Variants in UBE3A observed in about 807,000 individuals in gnomAD.
UBE3A encodes ubiquitin protein ligase E3A, also known as ubiquitin-protein ligase E3A.
In UBE3A, 6 loss-of-function variants were observed where a neutral mutation model predicts 83.4. The ratio of observed to expected loss-of-function variants is 0.07; its 90% CI spans 0.04 to 0.14. The LOEUF (loss-of-function observed/expected upper bound fraction) is 0.14. UBE3A is among the 10% of genes least tolerant of loss of function. The pLI is 1.00. For missense variants in UBE3A, 456 were observed against 1,036.1 expected (o/e 0.44, Z 7.69); for synonymous variants, 337 against 355.4 (o/e 0.95, Z 0.58).
chr15:25,367,457 G>T (rs12904031), intron 6 of UBE3A, among the ~76,000 whole-genome samples: 1 of 151,744 alleles, frequency 6.6e-6, no homozygotes. Context: ...GAACAATAAC[G>T]AAAAAATACT....
chr15:25,406,991 T>C, intron 3 of UBE3A: 1 of 1,065,432 alleles, frequency 9.4e-7, no homozygotes, highest in Non-Finnish European at 1.2e-6. Context: ...TGGCAGTGAC[T>C]TGGCTGTGAC....
chr15:25,376,456 G>C (rs1296695244), intron 4 of UBE3A, among the ~76,000 whole-genome samples: 6 of 152,040 alleles, frequency 3.9e-5, no homozygotes, highest in African/African-American at 1.4e-4. Context: ...ACACCAGCCT[G>C]GGCAACATAG....
intron 1 of UBE3A, among the ~76,000 whole-genome samples, chr15:25,430,411 G>A (rs1893102364): frequency 6.8e-6 from 1 of 146,714 alleles, no homozygotes; most frequent in African/African-American, 2.5e-5. Context: ...ACAGCACTTT[G>A]GGGAATTAGA....
intron 3 of UBE3A, among the ~76,000 whole-genome samples, chr15:25,406,452 G>A (rs939377701): frequency 2.0e-5 from 3 of 151,680 alleles, no homozygotes; most frequent in Admixed American, 6.6e-5. Flanking sequence ...TTCATTTCAC[G>A]AGATATGAAT....
chr15:25,346,363 A>G (rs1404359070), intron 11 of UBE3A: 6 of 152,398 alleles, frequency 3.9e-5, no homozygotes, highest in Non-Finnish European at 5.9e-5. Context: ...GGTCACTGGA[A>G]CCACAGCTCA....
chr15:25,348,310 A>G (rs879369524), intron 11 of UBE3A, among the ~76,000 whole-genome samples: 5 of 152,218 alleles, frequency 3.3e-5, no homozygotes, highest in Admixed American at 2.0e-4. Flanking sequence ...TAGAAAATAC[A>G]TAAGGAACCC....
chr15:25,367,244 T>TTA (rs1566941669), intron 6 of UBE3A, among the ~76,000 whole-genome samples: 123 of 78,164 alleles, frequency 1.6e-3, no homozygotes, highest in South Asian at 5.1e-3. Flanking sequence ...AATATGTAAA[T>TTA]ATTTGCATAT....
At chr15:25,385,291 A>G (rs1022799022) in intron 4 of UBE3A, among the ~76,000 whole-genome samples, 3 of 152,262 alleles carry the variant, frequency 2.0e-5, no homozygotes, top group Non-Finnish European at 2.9e-5. Flanking sequence ...AAGGACTTGA[A>G]TAGTCATTTT....
chr15:25,371,043 A>G lies in UBE3A; in HGVS notation c.1131T>C (p.Tyr377=). 7 of 1,614,016 alleles carry G rather than the reference A, an allele frequency of 4.3e-6. No homozygotes were observed. Among genetic ancestry groups the G allele is most frequent in the African/African-American group, 1.3e-5 (1 of 75,036 alleles). The change falls in exon 6 of 13, where the codon TAT becomes TAC. Residue 377 remains tyrosine, a synonymous_variant. Coordinates refer to ENST00000648336, the MANE Select transcript of UBE3A (RefSeq NM_130839.5). This position sits in a 1 kb window ranked among gnomAD's most constrained non-coding sequence, Gnocchi z 5.3. ...CCACTTCCCCTCCCACTACATTTGC[A>G]TAGTAAACCATTTTCAAGCACTTCG... is the stretch of plus-strand genomic sequence containing the variant. The part of the protein sequence containing the change: ...AASKCLKMVY[Y]ANVVGGEVDT...
chr15:25,434,969 T>TATACACAC lies in UBE3A; in HGVS notation c.-165+3519_-165+3520insGTGTGTAT, dbSNP rs1167502949. Among the ~76,000 whole-genome samples, 80 of 142,996 alleles carry TATACACAC rather than the reference T, an allele frequency of 5.6e-4. 1 individual carries two copies. Among genetic ancestry groups the TATACACAC allele is most frequent in the African/African-American group, 8.5e-4 (32 of 37,734 alleles). 93.8% of individuals were successfully genotyped at this position (142,996 alleles called of 152,430 possible). On this transcript the variant is annotated intron_variant, in intron 1 of 12. Coordinates refer to ENST00000648336, the MANE Select transcript of UBE3A (RefSeq NM_130839.5). ...GTAAAAATTTTAAATTCTATATACA[T>TATACACAC]ACACACACACACACACACACACACA...
intron 1 of UBE3A, among the ~76,000 whole-genome samples, chr15:25,422,504 C>T (rs1316188898): frequency 6.6e-6 from 1 of 151,856 alleles, no homozygotes; most frequent in African/African-American, 2.4e-5. Flanking sequence ...GGATGCCTTA[C>T]AAGACAATCA....
chr15:25,377,779 TA>T (rs1396782055), intron 4 of UBE3A, among the ~76,000 whole-genome samples: 1 of 152,108 alleles, frequency 6.6e-6, no homozygotes, highest in Non-Finnish European at 1.5e-5. Context: ...ACATGTCTAA[TA>T]AAAGATTACT....
At chr15:25,390,374 G>T (rs557478819) in intron 4 of UBE3A, among the ~76,000 whole-genome samples, 9 of 152,116 alleles carry the variant, frequency 5.9e-5, no homozygotes, top group Non-Finnish European at 1.3e-4. Flanking sequence ...TTCATAATTA[G>T]CAAAATGTGG....
chr15:25,428,000 C>T (rs1891906708), intron 1 of UBE3A, among the ~76,000 whole-genome samples: 2 of 151,872 alleles, frequency 1.3e-5, no homozygotes, highest in Admixed American at 1.3e-4. Flanking sequence ...AGACAAATAC[C>T]ACATGTTCTC....
intron 3 of UBE3A, among the ~76,000 whole-genome samples, chr15:25,406,407 AT>A (rs2088556435): frequency 6.6e-6 from 1 of 152,196 alleles, no homozygotes; most frequent in Non-Finnish European, 1.5e-5. Context: ...ATGTAGAAAT[AT>A]TTAAAATTCT....
intron 5 of UBE3A, among the ~76,000 whole-genome samples, chr15:25,373,241 T>C (rs1028774676): frequency 3.9e-5 from 6 of 152,200 alleles, no homozygotes; most frequent in African/African-American, 1.4e-4. Flanking sequence ...TTTCCTAAAA[T>C]GTAACATAAC....
chr15:25,406,856 GA>G (rs11413336), intron 3 of UBE3A, among the ~76,000 whole-genome samples: 248 of 114,668 alleles, frequency 2.2e-3, no homozygotes, highest in African/African-American at 4.7e-3. Flanking sequence ...AATGGAAAAG[GA>G]AAAAAAAAAA....
At chr15:25,434,383 C>CA (rs1475193946) in intron 1 of UBE3A, among the ~76,000 whole-genome samples, 1 of 152,184 alleles carries the variant, frequency 6.6e-6, no homozygotes, top group Admixed American at 6.5e-5. Context: ...GCCTGGGCAA[C>CA]ACAGTGAGAC....
At chr15:25,341,772 A>T (rs1271891240) in intron 11 of UBE3A, among the ~76,000 whole-genome samples, 1 of 147,754 alleles carries the variant, frequency 6.8e-6, no homozygotes, top group Non-Finnish European at 1.5e-5. Context: ...AAAAAAAAAA[A>T]AATTTCATCT....
Sources: gnomAD v4.1 joint callset for allele counts (sites outside exome capture counted in the v4.1 genomes callset) on GRCh38, gnomAD v4.1.1 for gene constraint, Gnocchi (gnomAD v3.1) non-coding constraint, MANE v1.5 for transcripts, NCBI Gene and HGNC (gene_info 2026-07-23, HGNC 2026-07-21) for gene names.